LINGO1: variants seen among roughly 807,000 people sequenced by gnomAD.
LINGO1 encodes leucine rich repeat and Ig domain containing 1.
A neutral mutation model predicts 37.3 loss-of-function variants in LINGO1; 11 were observed. That is an observed-to-expected ratio of 0.29 (90% confidence interval 0.19 to 0.49). LINGO1 has a LOEUF of 0.49. LINGO1 is among the 20% of genes least tolerant of loss of function. The probability of loss-of-function intolerance (pLI) is 0.99; values close to 1 mark genes in which losing one functional copy is unlikely to be tolerated. For synonymous variants in LINGO1, 387 were observed against 403.0 expected (o/e 0.96, Z 0.48); for missense variants, 585 against 878.2 (o/e 0.67, Z 4.22).
rs142231826 is a variant in LINGO1, at chr15:77,810,027, C to T, written c.-458+10231G>A. ...TCCCAGTGGCCTCTCCCACCCTCCT[C>T]CCCCAATGACCTCAAGAATAAGCCC... On this transcript the variant is annotated intron_variant, in intron 1 of 5. Coordinates refer to the LINGO1 transcript ENST00000562933. 1.1e-3 allele frequency among the ~76,000 whole-genome samples: 171 copies of T among 152,096 alleles called. 1 individual carries two copies. Among genetic ancestry groups the T allele is most frequent in the Middle Eastern group, 6.8e-3 (2 of 294 alleles).
chr15:77,661,004 G>A (rs578262283), intron 3 of LINGO1, among the ~76,000 whole-genome samples: 1 of 152,264 alleles, frequency 6.6e-6, no homozygotes, highest in South Asian at 2.1e-4. Flanking sequence ...AGTGGAAAAT[G>A]AAGGCCTTCA....
chr15:77,675,072 T>C lies in LINGO1; in HGVS notation c.-13+2017A>G, dbSNP rs182949933. On this transcript the variant is annotated intron_variant, in intron 3 of 3. Transcript: ENST00000559893. ...AACCTCATTAGCAGTCTAAGAAACA[T>C]AGAGTAAAATCATTTTTATCTGTCA... 3.3e-5 allele frequency among the ~76,000 whole-genome samples: 5 copies of C among 152,156 alleles called. No homozygotes were observed. In the East Asian group the frequency reaches 5.8e-4, roughly 18 times the overall value.
intron 2 of LINGO1, among the ~76,000 whole-genome samples, chr15:77,726,076 CAT>C (rs1484978843): frequency 2.6e-5 from 4 of 152,242 alleles, no homozygotes; most frequent in Admixed American, 1.3e-4. Flanking sequence ...TCAGCACCTT[CAT>C]CTGAGTCATC....
chr15:77,614,713 C>T lies in LINGO1; in HGVS notation c.1194G>A (p.Thr398=), dbSNP rs147726308. 2,836 of 1,607,276 alleles carry T rather than the reference C, an allele frequency of 1.8e-3. 3 individuals are homozygous for T. Among genetic ancestry groups the T allele is most frequent in the African/African-American group, 2.6e-3 (193 of 74,930 alleles). Residue 398 remains threonine (T), a synonymous_variant, in exon 2 of 2, where the codon ACG becomes ACA. Transcript: ENST00000355300. ...ACTCCTTGCCCTGGACAAACTCGGG[C>T]GTGGCGCACGTGGGCTGCTGCCGGT... is the stretch of plus-strand genomic sequence containing the variant. ...NFNRQQPTCA[T]PEFVQGKEFK...
intron 1 of LINGO1, among the ~76,000 whole-genome samples, chr15:77,801,044 G>T (rs1448327874): frequency 6.6e-6 from 1 of 152,204 alleles, no homozygotes; most frequent in Non-Finnish European, 1.5e-5. Flanking sequence ...GTGGGGAAAT[G>T]AGCACTCCCA....
At chr15:77,646,186 T>C (rs1024905095) in intron 3 of LINGO1, among the ~76,000 whole-genome samples, 1 of 152,148 alleles carries the variant, frequency 6.6e-6, no homozygotes, top group Non-Finnish European at 1.5e-5. Context: ...AGTAGTAAAA[T>C]AGTCAGTAAA....
intron 1 of LINGO1, among the ~76,000 whole-genome samples, chr15:77,810,160 G>A (rs887483091): frequency 6.6e-6 from 1 of 151,920 alleles, no homozygotes; most frequent in Admixed American, 6.6e-5. Context: ...ACACTCCACT[G>A]AGGCCTCCTC....
chr15:77,646,540 C>A, intron 3 of LINGO1: 1 of 423,144 alleles, frequency 2.4e-6, no homozygotes, highest in Non-Finnish European at 4.8e-6. Context: ...GTGGCACACA[C>A]AGGCAGGAAC....
intron 2 of LINGO1, among the ~76,000 whole-genome samples, chr15:77,704,969 G>T (rs2075831548): frequency 6.6e-6 from 1 of 152,116 alleles, no homozygotes; most frequent in South Asian, 2.1e-4. Context: ...CAGTGTCATG[G>T]TCTAGGCCCT....
intron 1 of LINGO1, among the ~76,000 whole-genome samples, chr15:77,786,014 C>T (rs768930752): frequency 2.0e-5 from 3 of 152,132 alleles, no homozygotes; most frequent in Non-Finnish European, 2.9e-5. Context: ...ACAACGCCTC[C>T]GTGAGGTAGG....
intron 2 of LINGO1, among the ~76,000 whole-genome samples, chr15:77,680,300 GC>G (rs910857505): frequency 6.6e-6 from 1 of 152,190 alleles, no homozygotes; most frequent in Non-Finnish European, 1.5e-5. Context: ...AAGGAAGACA[GC>G]CTTTGTCACA....
At chr15:77,774,983 T>C (rs1391919913) in intron 1 of LINGO1, among the ~76,000 whole-genome samples, 1 of 152,172 alleles carries the variant, frequency 6.6e-6, no homozygotes, top group Non-Finnish European at 1.5e-5. Flanking sequence ...AGTCAGAACC[T>C]GGCTGGGACT....
chr15:77,793,223 T>G (rs2076831859), intron 2 of LINGO1, among the ~76,000 whole-genome samples: 1 of 152,128 alleles, frequency 6.6e-6, no homozygotes, highest in Non-Finnish European at 1.5e-5. Flanking sequence ...GGTCTTGGTT[T>G]AAACACCACG....
chr15:77,731,381 C>A (rs1046027477), intron 2 of LINGO1, among the ~76,000 whole-genome samples: 2 of 152,184 alleles, frequency 1.3e-5, no homozygotes, highest in African/African-American at 4.8e-5. Context: ...GTGTCCCCTG[C>A]CCGGGACAGC....
chr15:77,735,233 G>A (rs2076192726), intron 1 of LINGO1, among the ~76,000 whole-genome samples: 1 of 152,234 alleles, frequency 6.6e-6, no homozygotes, highest in African/African-American at 2.4e-5. Flanking sequence ...GCCTAAAGAT[G>A]CCACATTCAT....
At chr15:77,707,754 G>T (rs1027695750) in intron 2 of LINGO1, among the ~76,000 whole-genome samples, 1 of 152,180 alleles carries the variant, frequency 6.6e-6, no homozygotes, top group Non-Finnish European at 1.5e-5. Context: ...GGAAGAGGCT[G>T]GGCAGCCCTT....
chr15:77,661,361 C>T (rs987681029), intron 3 of LINGO1, among the ~76,000 whole-genome samples: 2 of 152,240 alleles, frequency 1.3e-5, no homozygotes, highest in African/African-American at 4.8e-5. Context: ...TGGGGACAAG[C>T]TGCCCCCAAT....
chr15:77,775,703 C>A (rs1403445450), intron 1 of LINGO1, among the ~76,000 whole-genome samples: 1 of 152,100 alleles, frequency 6.6e-6, no homozygotes, highest in Non-Finnish European at 1.5e-5. Flanking sequence ...CTCCAGCCCA[C>A]GTCCCTCTGT....
chr15:77,710,412 TAG>T (rs1349610455), intron 2 of LINGO1, among the ~76,000 whole-genome samples: 4 of 152,162 alleles, frequency 2.6e-5, no homozygotes, highest in African/African-American at 9.7e-5. Flanking sequence ...ACCCAGCTGG[TAG>T]AGAGTCTCGG....
Sources: gnomAD v4.1 joint callset for allele counts (sites outside exome capture counted in the v4.1 genomes callset) on GRCh38, gnomAD v4.1.1 for gene constraint, MANE v1.5 for transcripts, NCBI Gene and HGNC (gene_info 2026-07-23, HGNC 2026-07-21) for gene names.